The following TTC28 variants were observed in gnomAD, a reference collection of about 807,000 sequenced individuals.
TTC28 encodes the protein tetratricopeptide repeat protein 28.
TTC28 carries 61 observed loss-of-function variants against 198.0 expected under a neutral mutation model. The ratio of observed to expected loss-of-function variants is 0.31; its 90% CI spans 0.25 to 0.38. TTC28 has a LOEUF of 0.38. TTC28 is among the 10% of genes least tolerant of loss of function. The pLI is 1.00. For synonymous variants in TTC28, 1,171 were observed against 1,297.8 expected, an observed-to-expected ratio of 0.90 and a Z score of 2.10; for missense variants, 2,678 against 3,164.0, an observed-to-expected ratio of 0.85 and a Z score of 3.69.
chr22:28,591,040 C>CACACACATATATATATATATAT (rs1362164401), intron 2 of TTC28, among the ~76,000 whole-genome samples: 1 of 30,756 alleles, frequency 3.3e-5, no homozygotes, highest in Admixed American at 4.5e-4. Flanking sequence ...CACACACACA[C>CACACACATATATATATATATAT]ATATATATAT....
intron 2 of TTC28, among the ~76,000 whole-genome samples, chr22:28,334,087 TGAC>T (rs752171924): frequency 2.0e-5 from 3 of 149,244 alleles, no homozygotes; most frequent in Non-Finnish European, 4.4e-5. Context: ...CACCTATGAG[TGAC>T]AACATAAGGT....
intron 2 of TTC28, among the ~76,000 whole-genome samples, chr22:28,430,310 C>T (rs1423509005): frequency 5.3e-5 from 8 of 152,130 alleles, no homozygotes; most frequent in Admixed American, 5.2e-4. Flanking sequence ...CACTATAGCA[C>T]ATTCTGCAAA....
chr22:28,594,825 G>T (rs1175799567), intron 2 of TTC28, among the ~76,000 whole-genome samples: 1 of 152,184 alleles, frequency 6.6e-6, no homozygotes, highest in Non-Finnish European at 1.5e-5. Context: ...AAGAAGGAAA[G>T]TCTCTGCATG....
At chr22:27,998,297 G>A in intron 16 of TTC28, 1 of 642,024 alleles carries the variant, frequency 1.6e-6, no homozygotes, top group South Asian at 2.1e-5. Flanking sequence ...ATCAGGAGGA[G>A]TTTCACATTC....
intron 5 of TTC28, among the ~76,000 whole-genome samples, chr22:28,250,010 C>A (rs1337672793): frequency 1.3e-5 from 2 of 152,130 alleles, no homozygotes; most frequent in African/African-American, 4.8e-5. Flanking sequence ...TAACACCCAA[C>A]TAAGAAATTA....
At chr22:28,519,404 G>A (rs1471244798) in intron 2 of TTC28, among the ~76,000 whole-genome samples, 1 of 152,196 alleles carries the variant, frequency 6.6e-6, no homozygotes. Context: ...ATGGTTTGCA[G>A]GATGGCAGAT....
At chr22:28,153,039 T>A (rs1419588190) in intron 6 of TTC28, among the ~76,000 whole-genome samples, 1 of 152,174 alleles carries the variant, frequency 6.6e-6, no homozygotes, top group Admixed American at 6.5e-5. Context: ...AGGTACGATA[T>A]GGATGTGTAT....
intron 6 of TTC28, among the ~76,000 whole-genome samples, chr22:28,116,138 T>C (rs1942623031): frequency 6.6e-6 from 1 of 152,122 alleles, no homozygotes; most frequent in Non-Finnish European, 1.5e-5. Flanking sequence ...TCAGTTCCTC[T>C]TCAGTCCCCT....
intron 2 of TTC28, among the ~76,000 whole-genome samples, chr22:28,395,858 A>G (rs533480202): frequency 6.6e-6 from 1 of 152,320 alleles, no homozygotes; most frequent in South Asian, 2.1e-4. Context: ...ACTATGGCTT[A>G]TCTTTCATCA....
intron 5 of TTC28, among the ~76,000 whole-genome samples, chr22:28,242,690 T>A (rs1929743854): frequency 6.6e-6 from 1 of 152,184 alleles, no homozygotes; most frequent in African/African-American, 2.4e-5. Flanking sequence ...TGTATATATC[T>A]TTGTTATAAT....
chr22:28,082,776 G>A (rs1391428797), intron 12 of TTC28, among the ~76,000 whole-genome samples: 1 of 152,092 alleles, frequency 6.6e-6, no homozygotes, highest in Non-Finnish European at 1.5e-5. Context: ...AATTTGTAAT[G>A]TTCTTTACTC....
intron 16 of TTC28, among the ~76,000 whole-genome samples, chr22:27,997,099 A>G (rs1937566257): frequency 6.6e-6 from 1 of 152,218 alleles, no homozygotes; most frequent in African/African-American, 2.4e-5. Context: ...AGCAGGTTGC[A>G]CAGGACTTGT....
At chr22:28,017,728 C>A (rs1024370756) in intron 13 of TTC28, among the ~76,000 whole-genome samples, 5 of 152,160 alleles carry the variant, frequency 3.3e-5, no homozygotes, top group African/African-American at 1.2e-4. Context: ...AACAACCAGG[C>A]TTGCCTGATC....
intron 2 of TTC28, among the ~76,000 whole-genome samples, chr22:28,518,082 T>C (rs780217894): frequency 1.3e-5 from 2 of 152,108 alleles, no homozygotes; most frequent in African/African-American, 2.4e-5. Context: ...TTTTCAAATG[T>C]TTATTAAGCA....
intron 2 of TTC28, among the ~76,000 whole-genome samples, chr22:28,591,626 GA>G (rs1601600885): frequency 6.6e-6 from 1 of 152,192 alleles, no homozygotes; most frequent in East Asian, 1.9e-4. Context: ...TAGTACAAAG[GA>G]CCCATGTACC....
intron 2 of TTC28, among the ~76,000 whole-genome samples, chr22:28,587,374 A>T (rs973100010): frequency 1.3e-5 from 2 of 152,164 alleles, no homozygotes; most frequent in Non-Finnish European, 2.9e-5. Context: ...AAAAAATAGT[A>T]ATAATAATAA....
At chr22:28,620,021 T>A (rs1025447231) in intron 2 of TTC28, among the ~76,000 whole-genome samples, 1 of 152,204 alleles carries the variant, frequency 6.6e-6, no homozygotes, top group Non-Finnish European at 1.5e-5. Context: ...TTATTCCTGC[T>A]CTAATTGAAG....
At position 28,679,780 on chromosome 22, in the gene TTC28, GCGCGCCGGT is replaced by G. The variant is rs2052065355; in HGVS notation, c.-66_-58del. The G allele has an allele frequency of 3.0e-6, 3 of 988,610 alleles. No homozygotes were observed. The highest frequency in any genetic ancestry group is 3.8e-6 in the Non-Finnish European group (3 of 785,810). The allele number at this position is 988,610 out of a possible 1,614,324, so 61.2% of individuals were successfully genotyped here. A position where few individuals can be genotyped will look rare whatever the true frequency, so the allele number is the denominator to read the frequency against. On this transcript the variant is annotated 5_prime_UTR_variant, in exon 1 of 23. Transcript: ENST00000397906. ...GCTAACGGTCCCGCCAGCTAGGCGC[GCGCGCCGGT>G]TCCGCGCGCCATGTTCCCGCCGTGC...
intron 2 of TTC28, among the ~76,000 whole-genome samples, chr22:28,413,115 T>G (rs1601361988): frequency 6.6e-6 from 1 of 152,166 alleles, no homozygotes; most frequent in East Asian, 1.9e-4. Flanking sequence ...TCGAAATGCC[T>G]AATCACTCCT....
Sources: gnomAD v4.1 joint callset for allele counts (sites outside exome capture counted in the v4.1 genomes callset) on GRCh38, gnomAD v4.1.1 for gene constraint, MANE v1.5 for transcripts, NCBI Gene and HGNC (gene_info 2026-07-23, HGNC 2026-07-21) for gene names.